The following EML4 variants were observed in gnomAD, a reference collection of about 807,000 sequenced individuals.
EML4 encodes EMAP like 4.
A neutral mutation model predicts 129.0 loss-of-function variants in EML4; 72 were observed. The ratio of observed to expected loss-of-function variants is 0.56; its 90% CI spans 0.46 to 0.68. The LOEUF (loss-of-function observed/expected upper bound fraction) is 0.68, where lower values mean the gene tolerates loss of function less well. Ranked by LOEUF, EML4 falls within the 30% of genes least tolerant of loss-of-function variation. The pLI is 0.00. For missense variants in EML4, 1,363 were observed against 1,190.6 expected, an observed-to-expected ratio of 1.14 and a Z score of -2.13; for synonymous variants, 532 against 405.0, an observed-to-expected ratio of 1.31 and a Z score of -3.77.
intron 1 of EML4, among the ~76,000 whole-genome samples, chr2:42,236,410 A>G (rs966822100): frequency 3.3e-5 from 5 of 152,182 alleles, no homozygotes; most frequent in South Asian, 2.1e-4. Context: ...TGATGTATGT[A>G]TGTCTGCAGG....
At chr2:42,255,020 T>G (rs897706727) in intron 2 of EML4, among the ~76,000 whole-genome samples, 1 of 151,968 alleles carries the variant, frequency 6.6e-6, no homozygotes, top group Non-Finnish European at 1.5e-5. Flanking sequence ...CCAAACAAGG[T>G]ATGGCTTCTT....
intron 11 of EML4, among the ~76,000 whole-genome samples, chr2:42,292,915 A>T (rs1306380039): frequency 1.3e-5 from 2 of 152,146 alleles, no homozygotes; most frequent in African/African-American, 4.8e-5. Flanking sequence ...TTAGTTTTAC[A>T]ACCCTTTGAT....
At chr2:42,321,768 A>T (rs1439475289) in intron 19 of EML4, among the ~76,000 whole-genome samples, 2 of 152,206 alleles carry the variant, frequency 1.3e-5, no homozygotes, top group Non-Finnish European at 2.9e-5. Flanking sequence ...CACTAGGTAA[A>T]GACCACTTTT....
intron 21 of EML4, among the ~76,000 whole-genome samples, chr2:42,327,681 G>C (rs558102463): frequency 1.4e-4 from 22 of 152,034 alleles, no homozygotes; most frequent in Non-Finnish European, 3.1e-4. Context: ...TCAGTATTTA[G>C]GTATCCTTCT....
At chr2:42,219,547 A>C (rs1379336791) in intron 1 of EML4, among the ~76,000 whole-genome samples, 1 of 152,134 alleles carries the variant, frequency 6.6e-6, no homozygotes, top group Non-Finnish European at 1.5e-5. Context: ...GACATTTTGC[A>C]TTTAACAAAA....
chr2:42,232,967 CT>C (rs1369553354), intron 1 of EML4, among the ~76,000 whole-genome samples: 4 of 152,190 alleles, frequency 2.6e-5, no homozygotes, highest in Non-Finnish European at 4.4e-5. Flanking sequence ...CGTGATCCCC[CT>C]GCCTCACCCG....
intron 13 of EML4, among the ~76,000 whole-genome samples, chr2:42,298,285 G>A (rs1668069619): frequency 6.6e-6 from 1 of 152,202 alleles, no homozygotes; most frequent in Non-Finnish European, 1.5e-5. Context: ...GGCAGGCAGT[G>A]TAAACTTGCT....
chr2:42,234,411 C>T (rs1051177903), intron 1 of EML4, among the ~76,000 whole-genome samples: 4 of 152,152 alleles, frequency 2.6e-5, no homozygotes, highest in African/African-American at 9.7e-5. Context: ...GACAGCTTGC[C>T]TTGTCTCGCT....
At chr2:42,174,526 G>A (rs1249008784) in intron 1 of EML4, among the ~76,000 whole-genome samples, 1 of 151,912 alleles carries the variant, frequency 6.6e-6, no homozygotes, top group Non-Finnish European at 1.5e-5. Flanking sequence ...CCTGACCTCG[G>A]GTGATGGCCA....
intron 1 of EML4, among the ~76,000 whole-genome samples, chr2:42,237,543 G>A (rs536067396): frequency 6.6e-6 from 1 of 152,196 alleles, no homozygotes; most frequent in South Asian, 2.1e-4. Context: ...TAACATGGGG[G>A]TTTGGGGTGC....
intron 6 of EML4, among the ~76,000 whole-genome samples, chr2:42,276,273 T>C (rs988966958): frequency 2.6e-5 from 4 of 152,154 alleles, no homozygotes; most frequent in East Asian, 1.9e-4. Context: ...CAATAAATTA[T>C]AGATTTTCTA....
chr2:42,193,566 C>A (rs1671723602), intron 1 of EML4, among the ~76,000 whole-genome samples: 2 of 152,082 alleles, frequency 1.3e-5, no homozygotes, highest in Non-Finnish European at 2.9e-5. Flanking sequence ...GATTTAAATT[C>A]CTTTAAGTTT....
chr2:42,220,294 A>C (rs1212458338), intron 1 of EML4, among the ~76,000 whole-genome samples: 1 of 150,100 alleles, frequency 6.7e-6, no homozygotes, highest in Non-Finnish European at 1.5e-5. Context: ...GCATTGAGCA[A>C]GTGTATTGGC....
At chr2:42,172,674 A>G (rs777187521) in intron 1 of EML4, among the ~76,000 whole-genome samples, 2 of 151,752 alleles carry the variant, frequency 1.3e-5, no homozygotes, top group African/African-American at 4.8e-5. Flanking sequence ...TAAACTTAGG[A>G]GAGAAAAGTA....
chr2:42,247,725 C>G (rs976234891), intron 2 of EML4, among the ~76,000 whole-genome samples: 2 of 151,682 alleles, frequency 1.3e-5, no homozygotes, highest in African/African-American at 4.8e-5. Flanking sequence ...AAGATCAAGC[C>G]AGAAAACAAT....
At chr2:42,300,400 T>C (rs1432513916) in intron 13 of EML4, among the ~76,000 whole-genome samples, 1 of 152,218 alleles carries the variant, frequency 6.6e-6, no homozygotes, top group Non-Finnish European at 1.5e-5. Context: ...AAAATATAAT[T>C]TAAAAAACCA....
chr2:42,258,908 T>C (rs188733575), intron 3 of EML4, among the ~76,000 whole-genome samples: 1 of 152,350 alleles, frequency 6.6e-6, no homozygotes, highest in Non-Finnish European at 1.5e-5. Flanking sequence ...ACAAGCTTAC[T>C]TGTTGATTAT....
At chr2:42,288,530 A>C (rs13017804) in intron 11 of EML4, 95,056 of 305,340 alleles carry the variant, frequency 0.31, 15,676 homozygotes, top group East Asian at 0.53. Context: ...AACTTGAAGC[A>C]ATTTCAATAT....
At chr2:42,276,023 A>G (rs1288116044) in intron 6 of EML4, among the ~76,000 whole-genome samples, 2 of 152,070 alleles carry the variant, frequency 1.3e-5, no homozygotes, top group African/African-American at 2.4e-5. Context: ...AAGTTTTATG[A>G]TTGTAAGATC....
Sources: allele counts gnomAD v4.1 joint callset (sites outside exome capture counted in the v4.1 genomes callset), GRCh38; gene constraint gnomAD v4.1.1; transcripts MANE v1.5; gene names NCBI Gene and HGNC (gene_info 2026-07-23, HGNC 2026-07-21).